The following IL34 variants were observed in gnomAD, a reference collection of about 807,000 sequenced individuals.
IL34 encodes the protein interleukin 34.
In IL34, 17 loss-of-function variants were observed where a neutral mutation model predicts 25.3. The observed-to-expected ratio is 0.67, with a 90% CI of 0.46 to 1.01. The LOEUF (loss-of-function observed/expected upper bound fraction) is 1.01, where lower values mean the gene tolerates loss of function less well. Among genes scored for constraint, IL34 ranks in the 50% least tolerant of loss-of-function variants. IL34 has a pLI of 0.00. For missense variants in IL34, 368 were observed against 312.9 expected (o/e 1.18, Z -1.33); for synonymous variants, 174 against 140.9 (o/e 1.23, Z -1.66).
At chr16:70,656,431 A>G (rs2052220682) in intron 2 of IL34, among the ~76,000 whole-genome samples, 171 bp from the exon 3 acceptor site, 1 of 152,108 alleles carries the variant, frequency 6.6e-6, no homozygotes, top group Non-Finnish European at 1.5e-5. Flanking sequence ...AGGTGGAAGG[A>G]TTGCTTGAGC....
At chr16:70,633,875 G>C (rs928415339) in intron 1 of IL34, among the ~76,000 whole-genome samples, 25 of 151,482 alleles carry the variant, frequency 1.7e-4, no homozygotes, top group African/African-American at 6.1e-4. Context: ...TTTTGAGACA[G>C]AGTCTCGCAT....
upstream of IL34, among the ~76,000 whole-genome samples, chr16:70,645,729 A>G (rs546628113): frequency 6.6e-6 from 1 of 152,242 alleles, no homozygotes; most frequent in Admixed American, 6.5e-5. Context: ...CACTTCCATG[A>G]GATTGTTGTG....
chr16:70,619,861 C>T (rs12600034), intron 1 of IL34, among the ~76,000 whole-genome samples: 52,006 of 146,860 alleles, frequency 0.35, 7,047 homozygotes, highest in South Asian at 0.53. Flanking sequence ...AGATGGGACG[C>T]GGCTTAGGAG....
chr16:70,622,479 T>C (rs1597753394), intron 1 of IL34, among the ~76,000 whole-genome samples: 2 of 151,688 alleles, frequency 1.3e-5, no homozygotes, highest in Non-Finnish European at 2.9e-5. Context: ...AGAGGCGGGC[T>C]AGTGGCTTGT....
chr16:70,590,384 C>T (rs567888411), intron 1 of IL34, among the ~76,000 whole-genome samples: 96 of 152,276 alleles, frequency 6.3e-4, no homozygotes, highest in Non-Finnish European at 1.2e-3. Context: ...TGGGGAGCTC[C>T]CCATTAGCGG....
chr16:70,635,557 C>T (rs989435825), intron 1 of IL34, among the ~76,000 whole-genome samples: 3 of 152,168 alleles, frequency 2.0e-5, no homozygotes, highest in African/African-American at 7.2e-5. Flanking sequence ...AAGCTGGAGT[C>T]CTTCAGCAGA....
intron 1 of IL34, among the ~76,000 whole-genome samples, chr16:70,619,879 G>A (rs2051244000): frequency 6.6e-6 from 1 of 152,120 alleles, no homozygotes; most frequent in African/African-American, 2.4e-5. Flanking sequence ...GAGGAATCCC[G>A]GGCTGCCGGC....
intron 1 of IL34, among the ~76,000 whole-genome samples, chr16:70,628,784 GTC>G (rs1202741035): frequency 1.6e-5 from 2 of 122,086 alleles, no homozygotes; most frequent in Non-Finnish European, 3.5e-5. Flanking sequence ...ATCACACCTG[GTC>G]TTTTTTTTTT....
At chr16:70,637,256 T>C (rs1174096082) in intron 1 of IL34, among the ~76,000 whole-genome samples, 1 of 152,232 alleles carries the variant, frequency 6.6e-6, no homozygotes, top group Non-Finnish European at 1.5e-5. Context: ...CAGTTTGTGC[T>C]TTTGGTGTCA....
At chr16:70,634,327 A>G (rs2051590401) in intron 1 of IL34, among the ~76,000 whole-genome samples, 1 of 152,152 alleles carries the variant, frequency 6.6e-6, no homozygotes, top group African/African-American at 2.4e-5. Context: ...CCCAGTACAG[A>G]TATGTTTTAT....
chr16:70,591,596 C>T (rs1376076751), intron 1 of IL34, among the ~76,000 whole-genome samples: 2 of 151,150 alleles, frequency 1.3e-5, no homozygotes, highest in Non-Finnish European at 2.9e-5. Context: ...AAAAGAATGG[C>T]CCTCACCGTC....
Position 70,634,377 on chromosome 16 carries a change from A to C in IL34, c.-400-12171A>C, listed in dbSNP as rs1165504563. Among the ~76,000 whole-genome samples the C allele has an allele frequency of 2.6e-5, 4 of 152,158 alleles. No homozygotes were observed. In the East Asian group the frequency reaches 7.7e-4, roughly 29 times the overall value. The stretch of plus-strand genomic sequence containing the variant: ...ACCCATGTGACCACCACTCTAACAA[A>C]GAAGAGATAGAACATTTCCAGGCTG... On this transcript the variant is annotated intron_variant, in intron 1 of 6. Transcript: ENST00000429149.
At chr16:70,648,293 C>A (rs557683916) in intron 1 of IL34, among the ~76,000 whole-genome samples, 1 of 152,096 alleles carries the variant, frequency 6.6e-6, no homozygotes, top group Admixed American at 6.5e-5. Flanking sequence ...TGGTGGCTCA[C>A]GCCCGTGATC....
At chr16:70,632,508 G>T (rs2051542877) in intron 1 of IL34, among the ~76,000 whole-genome samples, 1 of 152,172 alleles carries the variant, frequency 6.6e-6, no homozygotes, top group Non-Finnish European at 1.5e-5. Context: ...ATGGGAAGAG[G>T]AGCTGGGCCA....
At chr16:70,642,985 T>C (rs1265906344), upstream of IL34, among the ~76,000 whole-genome samples, 1 of 152,198 alleles carries the variant, frequency 6.6e-6, no homozygotes, top group Non-Finnish European at 1.5e-5. Flanking sequence ...AAATGTTCTG[T>C]AATTAAATAA....
At chr16:70,623,342 A>G (rs531655287) in intron 1 of IL34, among the ~76,000 whole-genome samples, 28 of 152,144 alleles carry the variant, frequency 1.8e-4, no homozygotes, top group East Asian at 1.5e-3. Flanking sequence ...TATGGGTTTG[A>G]CACCATAGGG....
intron 1 of IL34, among the ~76,000 whole-genome samples, chr16:70,620,171 G>A (rs1317423332): frequency 6.6e-6 from 1 of 152,174 alleles, no homozygotes; most frequent in Non-Finnish European, 1.5e-5. Context: ...GTAATAAAAT[G>A]TATTTTGAGA....
intron 1 of IL34, among the ~76,000 whole-genome samples, chr16:70,585,837 G>GTT (rs71151194): frequency 1.3e-4 from 17 of 132,142 alleles, no homozygotes; most frequent in Admixed American, 3.8e-4. Flanking sequence ...CAGCCTCCTT[G>GTT]TTTTTTTTTT....
At chr16:70,582,127 A>C (rs1289370518) in intron 1 of IL34, among the ~76,000 whole-genome samples, 1 of 152,210 alleles carries the variant, frequency 6.6e-6, no homozygotes, top group African/African-American at 2.4e-5. Flanking sequence ...ATTCTTACCC[A>C]GCTTCATCGT....
Sources: allele counts gnomAD v4.1 joint callset (sites outside exome capture counted in the v4.1 genomes callset), GRCh38; gene constraint gnomAD v4.1.1; transcripts MANE v1.5; gene names NCBI Gene and HGNC (gene_info 2026-07-23, HGNC 2026-07-21).